The following SUPV3L1 variants were observed in gnomAD, a reference collection of about 807,000 sequenced individuals.
SUPV3L1 encodes Suv3 like RNA helicase.
Under a neutral mutation model 70.0 loss-of-function variants are expected in SUPV3L1, and 35 were observed. The observed-to-expected ratio is 0.50, with a 90% CI of 0.38 to 0.66. The LOEUF is 0.66. Among genes scored for constraint, SUPV3L1 ranks in the 30% least tolerant of loss-of-function variants. The pLI is 0.00. For missense variants in SUPV3L1, 777 were observed against 961.5 expected (o/e 0.81, Z 2.54); for synonymous variants, 364 against 341.9 (o/e 1.06, Z -0.71).
At chr10:69,186,202 G>A in intron 2 of SUPV3L1, 138 bp downstream of exon 2, 1 of 826,954 alleles carries the variant, frequency 1.2e-6, no homozygotes, top group Non-Finnish European at 1.9e-6. Flanking sequence ...GGCTGAGTGG[G>A]AGACTGGCGA....
chr10:69,189,462 A>AT lies in SUPV3L1; in HGVS notation c.741+34dup, dbSNP rs765066419. 3.2e-4 allele frequency: 498 copies of AT among 1,544,422 alleles called. 3 individuals are homozygous for AT. The Middle Eastern group carries it at 6.1e-3, about 19-fold the overall frequency. On this transcript the variant is annotated intron_variant, in intron 5 of 14. Transcript: ENST00000359655. Reference sequence around the variant, plus strand: ...TCAGTATATTACCAAATATTTGCTCATTTTTTTCTTAATTTTCTTTTTTGG... The same window carrying AT: ...TCAGTATATTACCAAATATTTGCTCATTTTTTTTCTTAATTTTCTTTTTTGG...
chr10:69,202,332 G>A (rs1392006341), intron 11 of SUPV3L1, 107 bp from the exon 12 acceptor site: 4 of 794,286 alleles, frequency 5.0e-6, no homozygotes, highest in Non-Finnish European at 7.9e-6. Context: ...ACTTCATATG[G>A]TGAGAGCTTA....
intron 1 of SUPV3L1, among the ~76,000 whole-genome samples, chr10:69,184,385 G>A (rs1013863111): frequency 3.9e-5 from 6 of 151,970 alleles, no homozygotes; most frequent in East Asian, 1.9e-4. Context: ...AAAATTAGTC[G>A]GGCATGGTGC....
chr10:69,186,596 A>G lies in SUPV3L1; in HGVS notation c.457+46A>G, dbSNP rs199605673. Reference sequence around the variant, plus strand: ...TAAAATCCTATTGAACATACCTTCTATTTCTTCTCATACTTCATGCTCATT... The same window carrying G: ...TAAAATCCTATTGAACATACCTTCTGTTTCTTCTCATACTTCATGCTCATT... On this transcript the variant is annotated intron_variant, in intron 3 of 14. Transcript: ENST00000359655. 500 of 1,460,656 alleles carry G rather than the reference A, an allele frequency of 3.4e-4. 2 individuals are homozygous for G. In the African/African-American group the frequency reaches 6.4e-3, roughly 19 times the overall value. The allele number at this position is 1,460,656 out of a possible 1,614,324, so 90.5% of individuals were successfully genotyped here.
At position 69,208,752 on chromosome 10, in the gene SUPV3L1, C is replaced by T; in HGVS notation, c.2078C>T (p.Ser693Leu). 6.2e-7 allele frequency: 1 copy of T among 1,614,166 alleles called. No individual in the cohort carries two copies. The highest frequency in any genetic ancestry group is 8.5e-7 in the Non-Finnish European group (1 of 1,180,038). Residue 693 changes from serine to leucine, a missense_variant, in exon 15 of 15, where the codon TCA (serine) becomes TTA (leucine). Transcript: ENST00000359655. ...CTGTTGAATTTGGAGGGCTTTCCATCAGGGAGCCAGTCACGATTGTCAGGA... is the reference window on the plus strand; with the variant it reads ...CTGTTGAATTTGGAGGGCTTTCCATTAGGGAGCCAGTCACGATTGTCAGGA... Reference protein sequence around the residue: ...HKLLNLEGFPSGSQSRLSGTL... With the variant: ...HKLLNLEGFPLGSQSRLSGTL...
At chr10:69,196,908 A>C (rs1373898761) in intron 7 of SUPV3L1, 84 bp from the exon 8 acceptor site, 2 of 1,173,378 alleles carry the variant, frequency 1.7e-6, no homozygotes, top group African/African-American at 3.1e-5. Flanking sequence ...TATGTAAGCC[A>C]ACGTAAAGTA....
Position 69,203,700 on chromosome 10 carries a change from A to G in SUPV3L1, c.1776+657A>G, listed in dbSNP as rs538528809. 8.8e-4 allele frequency among the ~76,000 whole-genome samples: 132 copies of G among 150,524 alleles called. 1 individual carries two copies. The highest frequency in any genetic ancestry group is 1.8e-3 in the African/African-American group (75 of 41,196). ...AAACAAAACTCTACCAAGGTTTATC[A>G]TAACAATACTTTTATTTAATTTAAT... On this transcript the variant is annotated intron_variant, in intron 13 of 14. Transcript: ENST00000359655.
At chr10:69,199,324 G>T (rs1842625299) in intron 10 of SUPV3L1, 127 bp downstream of exon 10, 1 of 727,972 alleles carries the variant, frequency 1.4e-6, no homozygotes, top group African/African-American at 1.8e-5. Flanking sequence ...TTATAGGCTA[G>T]ATTTGAGGTT....
intron 4 of SUPV3L1, 48 bp from the exon 5 acceptor site, chr10:69,189,219 T>C: frequency 6.5e-7 from 1 of 1,543,704 alleles, no homozygotes; most frequent in Non-Finnish European, 8.8e-7. Flanking sequence ...TTTGCCAGGA[T>C]GGATTTTGAG....
Position 69,180,520 on chromosome 10 carries a change from G to A in SUPV3L1, c.229G>A (p.Asp77Asn), listed in dbSNP as rs1310145679. 1.1e-5 allele frequency: 17 copies of A among 1,614,188 alleles called. No homozygotes were observed. The highest frequency in any genetic ancestry group is 1.4e-5 in the Non-Finnish European group (17 of 1,180,032). Residue 77 changes from aspartate (D) to asparagine (N), a missense_variant, in exon 1 of 15, where the codon GAC becomes AAC. Physicochemically the swap from Asp to Asn is conservative, Grantham distance 23. Transcript: ENST00000359655. ...TGTGAAACCTCAGGGCCCCAGCGCC[G>A]ACGGCGACGTCGGGGCCGAGCTAAC... ...LTVKPQGPSADGDVGAELTRP... is the reference protein window; with the variant it reads ...LTVKPQGPSANGDVGAELTRP...
At chr10:69,194,357 C>CT (rs1279420482) in intron 6 of SUPV3L1, among the ~76,000 whole-genome samples, 1,633 of 144,630 alleles carry the variant, frequency 0.011, 132 homozygotes, top group Admixed American at 0.091. Flanking sequence ...AAAAAAAAAC[C>CT]TTTTTTTTTT....
intron 7 of SUPV3L1, 137 bp from the exon 8 acceptor site, chr10:69,196,855 A>G (rs1564707587): frequency 1.6e-6 from 1 of 642,100 alleles, no homozygotes; most frequent in Non-Finnish European, 2.7e-6. Context: ...GGTTTGCATC[A>G]GAGATAATAT....
rs914287084 is a variant in SUPV3L1 at position 69,187,769 on chromosome 10, A to G, written c.572+13A>G. 2.2e-5 allele frequency: 34 copies of G among 1,520,280 alleles called. No individual in the cohort carries two copies. The highest frequency in any genetic ancestry group is 2.7e-5 in the Non-Finnish European group (30 of 1,117,330). The allele number at this position is 1,520,280 out of a possible 1,614,324, so 94.2% of individuals were successfully genotyped here. Reference sequence around the variant, plus strand: ...TACCACCTAACTGGTTAGTTTCTCCATTTGTGGATTTGAAATTTTCAGTTT... The same window carrying G: ...TACCACCTAACTGGTTAGTTTCTCCGTTTGTGGATTTGAAATTTTCAGTTT... On this transcript the variant is annotated intron_variant, in intron 4 of 14. Coordinates refer to ENST00000359655, the MANE Select transcript of SUPV3L1 (RefSeq NM_003171.5).
chr10:69,199,319 G>T, intron 10 of SUPV3L1, 122 bp downstream of exon 10: 1 of 742,182 alleles, frequency 1.3e-6, no homozygotes. Context: ...AAATATTATA[G>T]GCTAGATTTG....
intron 3 of SUPV3L1, among the ~76,000 whole-genome samples, chr10:69,186,890 A>G (rs1247070627): frequency 6.6e-6 from 1 of 152,030 alleles, no homozygotes; most frequent in Admixed American, 6.5e-5. Context: ...TCTTGCTATA[A>G]AAGAAAAAAA....
At chr10:69,195,381 C>T in intron 7 of SUPV3L1, 116 bp downstream of exon 7, 2 of 566,414 alleles carry the variant, frequency 3.5e-6, no homozygotes, top group Non-Finnish European at 2.8e-6. Context: ...CTTTTTGACA[C>T]AAAAAAGTAA....
intron 4 of SUPV3L1, among the ~76,000 whole-genome samples, chr10:69,187,984 G>GCC (rs1306195484): frequency 3.9e-5 from 6 of 152,146 alleles, no homozygotes; most frequent in Non-Finnish European, 2.9e-5. Flanking sequence ...ATCTAGAATA[G>GCC]CCCTGACTTA....
In SUPV3L1 at chr10:69,186,570, T is replaced by C. The variant is rs776403391; in HGVS notation, c.457+20T>C. ...GTGCAGGCAAGTGTTTAGAGACTTTTTAAAATCCTATTGAACATACCTTCT... is the reference window on the plus strand; with the variant it reads ...GTGCAGGCAAGTGTTTAGAGACTTTCTAAAATCCTATTGAACATACCTTCT... On this transcript the variant is annotated intron_variant, in intron 3 of 14. Coordinates refer to ENST00000359655, the MANE Select transcript of SUPV3L1 (RefSeq NM_003171.5). The C allele has an allele frequency of 1.3e-6, 2 of 1,575,800 alleles. No individual in the cohort carries two copies. Among genetic ancestry groups the C allele is most frequent in the Non-Finnish European group, 1.7e-6 (2 of 1,147,980 alleles).
intron 11 of SUPV3L1, among the ~76,000 whole-genome samples, chr10:69,201,614 A>G (rs2132299869): frequency 6.6e-6 from 1 of 150,496 alleles, no homozygotes; most frequent in South Asian, 2.1e-4. Context: ...GGCTCACGGT[A>G]ACCCCAATCT....
Sources: gnomAD v4.1 joint callset for allele counts (sites outside exome capture counted in the v4.1 genomes callset) on GRCh38, gnomAD v4.1.1 for gene constraint, MANE v1.5 for transcripts, NCBI Gene and HGNC (gene_info 2026-07-23, HGNC 2026-07-21) for gene names.